Variants in GGA3 observed in about 807,000 individuals in gnomAD.
The protein encoded by GGA3 is ADP-ribosylation factor-binding protein GGA3.
A neutral mutation model predicts 77.5 loss-of-function variants in GGA3; 57 were observed. The ratio of observed to expected loss-of-function variants is 0.74; its 90% CI spans 0.59 to 0.92. The LOEUF is 0.92. Ranked by LOEUF, GGA3 falls within the 40% of genes least tolerant of loss-of-function variation. The probability of loss-of-function intolerance (pLI) is 0.00; values close to 1 mark genes in which losing one functional copy is unlikely to be tolerated. For missense variants in GGA3, 970 were observed against 914.9 expected, an observed-to-expected ratio of 1.06 and a Z score of -0.78; for synonymous variants, 416 against 383.7, an observed-to-expected ratio of 1.08 and a Z score of -0.98.
At chr17:75,257,904 G>A (rs1157374012) in intron 1 of GGA3, among the ~76,000 whole-genome samples, 3 of 152,124 alleles carry the variant, frequency 2.0e-5, no homozygotes, top group Non-Finnish European at 2.9e-5. Flanking sequence ...TGACTTGCAC[G>A]TACACATCCA....
At chr17:75,244,332 G>T (rs2076680051) in intron 4 of GGA3, 1 of 317,658 alleles carries the variant, frequency 3.1e-6, no homozygotes. Context: ...ACTGCCATGT[G>T]CCAGGTGCCT....
At chr17:75,254,387 G>A (rs1245369162) in intron 1 of GGA3, among the ~76,000 whole-genome samples, 2 of 152,088 alleles carry the variant, frequency 1.3e-5, no homozygotes, top group African/African-American at 4.8e-5. Context: ...CTCTTAAAAA[G>A]GTGGCTGGAG....
chr17:75,259,357 G>T (rs2077267010), intron 1 of GGA3, among the ~76,000 whole-genome samples: 1 of 152,114 alleles, frequency 6.6e-6, no homozygotes, highest in South Asian at 2.1e-4. Flanking sequence ...TGATCATGGT[G>T]GGACTTGAAA....
At chr17:75,243,212 T>C (rs1426246010) in intron 5 of GGA3, 46 bp from the exon 6 acceptor site, 1 of 1,412,194 alleles carries the variant, frequency 7.1e-7, no homozygotes, top group Non-Finnish European at 9.9e-7. Flanking sequence ...GTGGTTGCCT[T>C]GTCACCCCTC....
intron 16 of GGA3, 73 bp from the exon 17 acceptor site, chr17:75,238,462 T>A: frequency 1.5e-6 from 2 of 1,310,494 alleles, no homozygotes; most frequent in South Asian, 2.5e-5. Context: ...TCTGCTACCC[T>A]CTCTGTGCTA....
intron 1 of GGA3, among the ~76,000 whole-genome samples, chr17:75,253,441 T>G (rs1443731256): frequency 6.6e-6 from 1 of 152,210 alleles, no homozygotes. Flanking sequence ...TCACTCACGT[T>G]TCAAAGGTGT....
upstream of GGA3, chr17:75,262,281 C>G (rs1567815205): frequency 1.5e-6 from 1 of 656,180 alleles, no homozygotes; most frequent in Non-Finnish European, 2.6e-6. Flanking sequence ...CCCATCCTTA[C>G]CGTTAGCACT....
At chr17:75,245,235 G>C (rs2076713239) in intron 3 of GGA3, among the ~76,000 whole-genome samples, 2 of 152,190 alleles carry the variant, frequency 1.3e-5, no homozygotes, top group African/African-American at 4.8e-5. Context: ...GCTGCCTGTG[G>C]TCCCTGGCAC....
At chr17:75,261,518 G>C (rs772409797) in intron 1 of GGA3, 30 bp downstream of exon 1, 1 of 1,497,236 alleles carries the variant, frequency 6.7e-7, no homozygotes, top group East Asian at 2.5e-5. Context: ...AGCGGCTCGA[G>C]GGCAGGCAGA....
At chr17:75,256,135 C>T (rs752945224) in intron 1 of GGA3, among the ~76,000 whole-genome samples, 15 of 152,110 alleles carry the variant, frequency 9.9e-5, no homozygotes, top group African/African-American at 1.7e-4. Flanking sequence ...AATTCTTACA[C>T]AAGAGCCAGG....
upstream of GGA3, chr17:75,262,045 G>T: frequency 6.4e-7 from 1 of 1,571,566 alleles, no homozygotes; most frequent in Non-Finnish European, 8.6e-7. Context: ...CCACAGGCAG[G>T]CCGCGTGGGC....
chr17:75,257,491 G>A (rs982326302), intron 1 of GGA3, among the ~76,000 whole-genome samples: 18 of 152,214 alleles, frequency 1.2e-4, no homozygotes, highest in Middle Eastern at 3.4e-3. Context: ...TTTGCTGGCA[G>A]GACTATGCTG....
At position 75,243,006 on chromosome 17, in the gene GGA3, T is replaced by TC. The variant is rs1203371109; in HGVS notation, c.528+56dup. 8.0e-6 allele frequency: 12 copies of TC among 1,502,248 alleles called. No individual in the cohort carries two copies. The East Asian group carries it at 2.7e-4, about 34-fold the overall frequency. 93.1% of individuals were successfully genotyped at this position (1,502,248 alleles called of 1,614,324 possible). On this transcript the variant is annotated intron_variant, in intron 6 of 16. Transcript: ENST00000537686. ...CCCCGCAGCACAGTGCAAACCACAT[T>TC]CCCCTGCTGCCACCCACTCTCGTAT...
chr17:75,239,023 G>A lies in GGA3; in HGVS notation c.1841C>T (p.Ala614Val), dbSNP rs2076424364. Residue 614 changes from alanine (A) to valine (V), a missense_variant, in exon 15 of 17, where the codon GCC becomes GTC. Coordinates refer to ENST00000537686, the MANE Select transcript of GGA3 (RefSeq NM_138619.4). ...AGGTCGTCCTGGGGGACACTCCTTG[G>A]CAAAGTGGAAGAGGATGCGGAAGCC... is the stretch of plus-strand genomic sequence containing the variant. ...KNGFRILFHF[A>V]KECPPGRPDV... 1.2e-6 allele frequency: 2 copies of A among 1,613,956 alleles called. No individual in the cohort carries two copies. Among genetic ancestry groups the A allele is most frequent in the Non-Finnish European group, 1.7e-6 (2 of 1,180,008 alleles).
At chr17:75,259,914 G>A (rs1274860465) in intron 1 of GGA3, among the ~76,000 whole-genome samples, 1 of 152,160 alleles carries the variant, frequency 6.6e-6, no homozygotes, top group Non-Finnish European at 1.5e-5. Context: ...CTTTGTAAGG[G>A]AAAGGTGGGA....
intron 4 of GGA3, 65 bp downstream of exon 4, chr17:75,244,554 A>G (rs752899748): frequency 3.0e-5 from 29 of 970,658 alleles, no homozygotes; most frequent in Non-Finnish European, 4.9e-5. Flanking sequence ...GAAAGCCAGT[A>G]TGATGGGAGA....
Position 75,237,907 on chromosome 17 carries a change from C to G in GGA3, c.*372G>C, listed in dbSNP as rs2076375914. ...TGGGGAATGACCCATGACAGTCTCT[C>G]TTTAGAGACTCCCACCCCCCACCCC... is the stretch of plus-strand genomic sequence containing the variant. On this transcript the variant is annotated 3_prime_UTR_variant, in exon 17 of 17. Coordinates refer to ENST00000537686, the MANE Select transcript of GGA3 (RefSeq NM_138619.4). The G allele has an allele frequency of 7.7e-7, 1 of 1,297,354 alleles. No homozygotes were observed. Among genetic ancestry groups the G allele is most frequent in the Non-Finnish European group, 9.8e-7 (1 of 1,021,934 alleles). 80.4% of individuals were successfully genotyped at this position (1,297,354 alleles called of 1,614,324 possible). A position where few individuals can be genotyped will look rare whatever the true frequency, so the allele number is the denominator to read the frequency against.
chr17:75,249,517 A>C (rs545539551), intron 1 of GGA3, among the ~76,000 whole-genome samples: 6 of 152,364 alleles, frequency 3.9e-5, no homozygotes, highest in Non-Finnish European at 8.8e-5. Flanking sequence ...ACCAGCTATC[A>C]CATTCCAAAT....
At chr17:75,261,803 G>A (rs2077394826), upstream of GGA3, 3 of 1,322,648 alleles carry the variant, frequency 2.3e-6, no homozygotes, top group South Asian at 1.3e-5. Context: ...GGAGAGAAAC[G>A]CAGATTTAGG....
Sources: gnomAD v4.1 joint callset for allele counts (sites outside exome capture counted in the v4.1 genomes callset) on GRCh38, gnomAD v4.1.1 for gene constraint, MANE v1.5 for transcripts, NCBI Gene and HGNC (gene_info 2026-07-23, HGNC 2026-07-21) for gene names.